GDI2: variants seen among roughly 807,000 people sequenced by gnomAD.
The protein encoded by GDI2 is GDP dissociation inhibitor 2.
Under a neutral mutation model 54.2 loss-of-function variants are expected in GDI2, and 22 were observed. The observed-to-expected ratio is 0.41, with a 90% CI of 0.29 to 0.58. The LOEUF is 0.58. Ranked by LOEUF, GDI2 falls within the 20% of genes least tolerant of loss-of-function variation. The probability of loss-of-function intolerance (pLI) is 0.35; values close to 1 mark genes in which losing one functional copy is unlikely to be tolerated. For missense variants in GDI2, 422 were observed against 546.0 expected, an observed-to-expected ratio of 0.77 and a Z score of 2.26; for synonymous variants, 177 against 182.1, an observed-to-expected ratio of 0.97 and a Z score of 0.23.
intron 1 of GDI2, chr10:5,811,920 C>A (rs2131727340): frequency 8.5e-7 from 1 of 1,183,108 alleles, no homozygotes; most frequent in East Asian, 7.0e-5. Flanking sequence ...TTTTCTCTTG[C>A]CTAGAGACAT....
At position 5,799,222 on chromosome 10, in the gene GDI2, C is replaced by T. The variant is rs117286860; in HGVS notation, c.153+1376G>A. On this transcript the variant is annotated intron_variant, in intron 2 of 10. Transcript: ENST00000380191. ...GGCAGGTGGTATGCATCTTTAGCCCCGCTACTTAGGAGGCTGATACAGGAG... is the reference window on the plus strand; with the variant it reads ...GGCAGGTGGTATGCATCTTTAGCCCTGCTACTTAGGAGGCTGATACAGGAG... Among the ~76,000 whole-genome samples the T allele has an allele frequency of 4.9e-3, 740 of 152,070 alleles. 4 individuals are homozygous for T. Among genetic ancestry groups the T allele is most frequent in the Non-Finnish European group, 8.8e-3 (598 of 67,976 alleles).
chr10:5,800,719 A>G lies in GDI2; in HGVS notation c.46-14T>C. On this transcript the variant is annotated splice_polypyrimidine_tract_variant and intron_variant, in intron 1 of 10. Transcript: ENST00000380191. ...CAGGATACATTCCTATAGAAAAAGCATAGTACCTTGAAAAGAAAGTTCTAC... is the reference window on the plus strand; with the variant it reads ...CAGGATACATTCCTATAGAAAAAGCGTAGTACCTTGAAAAGAAAGTTCTAC... 1 of 1,283,786 alleles carries G rather than the reference A, an allele frequency of 7.8e-7. No individual in the cohort carries two copies. Among genetic ancestry groups the G allele is most frequent in the Non-Finnish European group, 1.1e-6 (1 of 878,684 alleles). 79.5% of individuals were successfully genotyped at this position (1,283,786 alleles called of 1,614,324 possible).
At chr10:5,790,402 G>C (rs545980184) in intron 4 of GDI2, among the ~76,000 whole-genome samples, 1 of 152,260 alleles carries the variant, frequency 6.6e-6, no homozygotes, top group African/African-American at 2.4e-5. Context: ...CCAGCACGTT[G>C]GGAGAACGAG....
In GDI2 at chr10:5,776,445, C is replaced by T; in HGVS notation, c.720-2504G>A. 3.5e-6 allele frequency: 3 copies of T among 857,554 alleles called. No individual in the cohort carries two copies. Among genetic ancestry groups the T allele is most frequent in the East Asian group, 2.4e-5 (1 of 41,266 alleles). The allele number at this position is 857,554 out of a possible 1,614,324, so 53.1% of individuals were successfully genotyped here. ...CTTTGACAGGGATCCAGACACGCTA[C>T]TATTTTTACTTTAGCAAAAGAGTGA... On this transcript the variant is annotated intron_variant, in intron 6 of 10. Transcript: ENST00000380191. The surrounding 1 kb of genome is among the most constrained non-coding windows in gnomAD (Gnocchi z 5.3).
chr10:5,767,442 T>C (rs1375223630), intron 8 of GDI2, among the ~76,000 whole-genome samples: 2 of 152,112 alleles, frequency 1.3e-5, no homozygotes, highest in Non-Finnish European at 2.9e-5. Context: ...GCCTCCCAAG[T>C]AGCTAGGACT....
Position 5,776,532 on chromosome 10 carries a change from AT to A in GDI2, c.720-2592del. The A allele has an allele frequency of 6.6e-7, 1 of 1,525,210 alleles. No individual in the cohort carries two copies. Among genetic ancestry groups the A allele is most frequent in the Non-Finnish European group, 9.1e-7 (1 of 1,102,716 alleles). The allele number at this position is 1,525,210 out of a possible 1,614,324, so 94.5% of individuals were successfully genotyped here. On this transcript the variant is annotated intron_variant, in intron 6 of 10. Transcript: ENST00000380191. This position sits in a 1 kb window ranked among gnomAD's most constrained non-coding sequence, Gnocchi z 5.3. ...AGATAAAACAATTATAGAGAAGCAG[AT>A]TTGAAGAGGCATGTGGAATTCCTTG...
intron 1 of GDI2, among the ~76,000 whole-genome samples, chr10:5,808,699 A>T (rs866339571): frequency 0.02 from 1,936 of 98,884 alleles, 14 homozygotes; most frequent in Middle Eastern, 0.051. Flanking sequence ...GTTGTTATTA[A>T]AAAAAAAAAA....
At chr10:5,810,047 C>T (rs758045033) in intron 1 of GDI2, among the ~76,000 whole-genome samples, 79 of 152,168 alleles carry the variant, frequency 5.2e-4, no homozygotes, top group Non-Finnish European at 3.1e-4. Context: ...AGCAAGAACT[C>T]TCAAAGAGCA....
At chr10:5,770,963 C>CAAAA (rs59686031) in intron 7 of GDI2, among the ~76,000 whole-genome samples, 76 of 46,262 alleles carry the variant, frequency 1.6e-3, no homozygotes, top group African/African-American at 2.5e-3. Flanking sequence ...GAGACTGTCT[C>CAAAA]AAAAAAAAAA....
Position 5,776,068 on chromosome 10 carries a change from T to G in GDI2, c.720-2127A>C, listed in dbSNP as rs1840612541. The stretch of plus-strand genomic sequence containing the variant: ...CTTACCCCGGAGTCTATGAAAATAA[T>G]GGATCCCTCAACCTGGCTCATCAAC... On this transcript the variant is annotated intron_variant, in intron 6 of 10. Transcript: ENST00000380191. This position sits in a 1 kb window ranked among gnomAD's most constrained non-coding sequence, Gnocchi z 5.3. The G allele has an allele frequency of 1.5e-5, 3 of 196,144 alleles. No homozygotes were observed. In the South Asian group the frequency reaches 2.9e-4, roughly 19 times the overall value. 12.2% of individuals were successfully genotyped at this position (196,144 alleles called of 1,614,324 possible).
At chr10:5,800,880 G>A (rs1293992611) in intron 1 of GDI2, among the ~76,000 whole-genome samples, 175 bp from the exon 2 acceptor site, 2 of 152,134 alleles carry the variant, frequency 1.3e-5, no homozygotes, top group African/African-American at 2.4e-5. Flanking sequence ...GTGGTCTGTG[G>A]GCTCCTATGC....
At chr10:5,770,652 T>C (rs1840466448) in intron 7 of GDI2, among the ~76,000 whole-genome samples, 1 of 152,042 alleles carries the variant, frequency 6.6e-6, no homozygotes, top group African/African-American at 2.4e-5. Context: ...CACTGAACTG[T>C]ACACTTAACA....
intron 6 of GDI2, among the ~76,000 whole-genome samples, chr10:5,782,628 C>T (rs969260317): frequency 6.6e-6 from 1 of 152,076 alleles, no homozygotes. Context: ...AGGAATTCTA[C>T]TCAACAATTA....
chr10:5,796,688 C>T, intron 3 of GDI2, 75 bp downstream of exon 3: 2 of 794,288 alleles, frequency 2.5e-6, no homozygotes, highest in Non-Finnish European at 4.5e-6. Context: ...CAGAATAGTA[C>T]TCTGTCAAAA....
At chr10:5,775,204 C>T (rs1840591817) in intron 6 of GDI2, among the ~76,000 whole-genome samples, 1 of 152,120 alleles carries the variant, frequency 6.6e-6, no homozygotes, top group Non-Finnish European at 1.5e-5. Context: ...GGCAGCATCA[C>T]TTGAGCCTGA....
At chr10:5,785,745 G>C in intron 5 of GDI2, 107 bp downstream of exon 5, 1 of 702,578 alleles carries the variant, frequency 1.4e-6, no homozygotes, top group South Asian at 1.7e-5. Flanking sequence ...TTCATTCATA[G>C]TGCAATATGG....
intron 1 of GDI2, among the ~76,000 whole-genome samples, chr10:5,806,100 CCAAA>C (rs1470951624): frequency 2.0e-5 from 3 of 152,200 alleles, no homozygotes; most frequent in Non-Finnish European, 4.4e-5. Flanking sequence ...ACAGATATTA[CCAAA>C]CAGCTTTCCA....
chr10:5,770,341 A>ACCTGAGGTCAGGAG (rs1840458180), intron 7 of GDI2, among the ~76,000 whole-genome samples: 1 of 152,086 alleles, frequency 6.6e-6, no homozygotes, highest in African/African-American at 2.4e-5. Flanking sequence ...TGGGTGGATC[A>ACCTGAGGTCAGGAG]TTTGAGGTTA....
chr10:5,801,453 G>C (rs1180304845), intron 1 of GDI2, among the ~76,000 whole-genome samples: 1 of 151,858 alleles, frequency 6.6e-6, no homozygotes, highest in African/African-American at 2.4e-5. Context: ...AGGGGAGGTG[G>C]ATCACCTGAG....
Sources: allele counts gnomAD v4.1 joint callset (sites outside exome capture counted in the v4.1 genomes callset), GRCh38; gene constraint gnomAD v4.1.1; non-coding constraint Gnocchi (gnomAD v3.1); transcripts MANE v1.5; gene names NCBI Gene and HGNC (gene_info 2026-07-23, HGNC 2026-07-21).